TMEM132C: variants seen among roughly 807,000 people sequenced by gnomAD.
TMEM132C encodes protein phosphatase 1, regulatory subunit 152.
TMEM132C carries 29 observed loss-of-function variants against 61.4 expected under a neutral mutation model. The ratio of observed to expected loss-of-function variants is 0.47; its 90% CI spans 0.35 to 0.64. TMEM132C has a LOEUF of 0.64. Among genes scored for constraint, TMEM132C ranks in the 30% least tolerant of loss-of-function variants. The probability of loss-of-function intolerance (pLI) is 0.00; values close to 1 mark genes in which losing one functional copy is unlikely to be tolerated. For missense variants in TMEM132C, 1,408 were observed against 1,476.9 expected, an observed-to-expected ratio of 0.95 and a Z score of 0.76; for synonymous variants, 656 against 633.1, an observed-to-expected ratio of 1.04 and a Z score of -0.54.
intron 3 of TMEM132C, among the ~76,000 whole-genome samples, chr12:128,604,317 T>C (rs1489571749): frequency 6.6e-6 from 1 of 152,018 alleles, no homozygotes; most frequent in Non-Finnish European, 1.5e-5. Flanking sequence ...GATGGATGGA[T>C]AGATGGACGT....
chr12:128,417,357 G>T (rs1344802515), intron 2 of TMEM132C, among the ~76,000 whole-genome samples: 1 of 152,136 alleles, frequency 6.6e-6, no homozygotes, highest in Non-Finnish European at 1.5e-5. Flanking sequence ...ACCAGGGTGA[G>T]CATGAGCCAA....
At position 128,697,958 on chromosome 12, in the gene TMEM132C, C is replaced by T. The variant is rs118116638; in HGVS notation, c.2121+543C>T. 9.2e-4 allele frequency among the ~76,000 whole-genome samples: 140 copies of T among 152,332 alleles called. 3 individuals carry two copies. In the East Asian group the frequency reaches 0.023, roughly 25 times the overall value. On this transcript the variant is annotated intron_variant, in intron 8 of 8. Transcript: ENST00000435159. ...GCTGAGCATGGCTCTTTCTCATTTT[C>T]ATACCCAGTTATGATACCCTCTTCT...
At chr12:128,295,214 C>T (rs1871368829) in intron 1 of TMEM132C, among the ~76,000 whole-genome samples, 1 of 152,078 alleles carries the variant, frequency 6.6e-6, no homozygotes, top group African/African-American at 2.4e-5. Flanking sequence ...CTCTGTTGCC[C>T]AGGCTGGAGT....
chr12:128,642,654 T>G (rs934690545), intron 4 of TMEM132C, among the ~76,000 whole-genome samples: 1 of 152,216 alleles, frequency 6.6e-6, no homozygotes, highest in Non-Finnish European at 1.5e-5. Flanking sequence ...AAAAGCTTTC[T>G]GAGGCTTCCC....
chr12:128,299,646 T>A (rs1052494942), intron 1 of TMEM132C, among the ~76,000 whole-genome samples: 1 of 152,222 alleles, frequency 6.6e-6, no homozygotes, highest in African/African-American at 2.4e-5. Flanking sequence ...CAGATTGTTT[T>A]TCGTATAGAG....
intron 4 of TMEM132C, among the ~76,000 whole-genome samples, chr12:128,618,037 A>G (rs143329171): frequency 2.9e-4 from 44 of 152,302 alleles, no homozygotes; most frequent in African/African-American, 1.0e-3. Flanking sequence ...TAGCTTCTTC[A>G]TATGCTCAGT....
At chr12:128,386,627 G>A (rs1874590236) in intron 1 of TMEM132C, among the ~76,000 whole-genome samples, 2 of 152,208 alleles carry the variant, frequency 1.3e-5, no homozygotes, top group Admixed American at 1.3e-4. Flanking sequence ...TCTGGGCTGG[G>A]ATTGTTCTAC....
At chr12:128,585,908 C>T (rs1875527857) in intron 3 of TMEM132C, among the ~76,000 whole-genome samples, 1 of 151,998 alleles carries the variant, frequency 6.6e-6, no homozygotes, top group South Asian at 2.1e-4. Context: ...GTGGGGAGTT[C>T]GTGTGTAATG....
At chr12:128,499,400 T>C (rs1333615784) in intron 2 of TMEM132C, among the ~76,000 whole-genome samples, 1 of 152,208 alleles carries the variant, frequency 6.6e-6, no homozygotes, top group African/African-American at 2.4e-5. Flanking sequence ...AGCATTTCTT[T>C]ATGTTAAGAA....
intron 7 of TMEM132C, among the ~76,000 whole-genome samples, chr12:128,696,517 T>C (rs1326252771): frequency 6.6e-6 from 1 of 152,234 alleles, no homozygotes; most frequent in African/African-American, 2.4e-5. Flanking sequence ...CTTCTTTCAG[T>C]CATTCTGTCT....
At chr12:128,666,123 A>C (rs1048399892) in intron 4 of TMEM132C, among the ~76,000 whole-genome samples, 3 of 150,086 alleles carry the variant, frequency 2.0e-5, no homozygotes, top group African/African-American at 4.9e-5. Flanking sequence ...ACAGGCACCC[A>C]CACACACAGG....
chr12:128,687,680 C>T (rs1954688044), intron 5 of TMEM132C, among the ~76,000 whole-genome samples: 1 of 152,230 alleles, frequency 6.6e-6, no homozygotes, highest in Non-Finnish European at 1.5e-5. Flanking sequence ...GGAAGAAAAC[C>T]AGGCACATCG....
intron 1 of TMEM132C, among the ~76,000 whole-genome samples, chr12:128,317,186 T>G (rs962722257): frequency 6.6e-6 from 1 of 152,170 alleles, no homozygotes; most frequent in African/African-American, 2.4e-5. Context: ...TGCAGTTCTG[T>G]ACTCATTTTT....
intron 4 of TMEM132C, among the ~76,000 whole-genome samples, chr12:128,627,796 G>C (rs1333150083): frequency 6.6e-6 from 1 of 152,160 alleles, no homozygotes; most frequent in Non-Finnish European, 1.5e-5. Flanking sequence ...CTCCGCCGAG[G>C]AGTCAGGCCT....
intron 3 of TMEM132C, among the ~76,000 whole-genome samples, chr12:128,574,224 C>T (rs1875009899): frequency 6.6e-6 from 1 of 152,220 alleles, no homozygotes; most frequent in Admixed American, 6.5e-5. Flanking sequence ...TTTTATATCG[C>T]TCAGAGCATC....
At chr12:128,623,586 T>A (rs1391908993) in intron 4 of TMEM132C, among the ~76,000 whole-genome samples, 1 of 151,758 alleles carries the variant, frequency 6.6e-6, no homozygotes, top group East Asian at 1.9e-4. Context: ...GCAGGCGGAT[T>A]GCCTGAGCTC....
At chr12:128,307,029 A>G (rs79171507) in intron 1 of TMEM132C, among the ~76,000 whole-genome samples, 1,874 of 152,270 alleles carry the variant, frequency 0.012, 21 homozygotes, top group Middle Eastern at 0.024. Context: ...GAGGAGCTAC[A>G]TGAAGCCTTC....
At chr12:128,495,273 G>C (rs193267023) in intron 2 of TMEM132C, among the ~76,000 whole-genome samples, 23 of 152,124 alleles carry the variant, frequency 1.5e-4, no homozygotes, top group African/African-American at 5.3e-4. Context: ...GTCACTTTTG[G>C]AATAAGTGTG....
intron 1 of TMEM132C, among the ~76,000 whole-genome samples, chr12:128,277,240 A>T (rs981825204): frequency 6.6e-6 from 1 of 152,242 alleles, no homozygotes; most frequent in South Asian, 2.1e-4. Context: ...TTGTTCAGTA[A>T]CTGCAAAGTC....
Sources: gnomAD v4.1 joint callset for allele counts (sites outside exome capture counted in the v4.1 genomes callset) on GRCh38, gnomAD v4.1.1 for gene constraint, MANE v1.5 for transcripts, NCBI Gene and HGNC (gene_info 2026-07-23, HGNC 2026-07-21) for gene names.